Variants in NGDN observed in about 807,000 individuals in gnomAD.
NGDN encodes the protein EIF4E-binding protein.
NGDN carries 41 observed loss-of-function variants against 45.2 expected under a neutral mutation model. The ratio of observed to expected loss-of-function variants is 0.91; its 90% confidence interval spans 0.71 to 1.18. The LOEUF is 1.18. Among genes scored for constraint, NGDN ranks in the 50% most tolerant of loss-of-function variants. The pLI is 0.00. For synonymous variants in NGDN, 137 were observed against 130.9 expected (o/e 1.05, Z -0.32); for missense variants, 402 against 399.9 (o/e 1.01, Z -0.05).
chr14:23,472,146 T>C (rs1056462488), intron 3 of NGDN, among the ~76,000 whole-genome samples: 4 of 130,910 alleles, frequency 3.1e-5, no homozygotes, highest in Non-Finnish European at 6.1e-5. Context: ...GGTCGCACCA[T>C]CGCACTGCAG....
intron 3 of NGDN, chr14:23,471,545 ATGG>A: frequency 6.6e-6 from 1 of 152,474 alleles, no homozygotes; most frequent in East Asian, 1.9e-4. Context: ...CAGGCCGGGC[ATGG>A]TGGCTCATGC....
At chr14:23,476,776 A>T (rs1893914463) in intron 8 of NGDN, among the ~76,000 whole-genome samples, 1 of 152,230 alleles carries the variant, frequency 6.6e-6, no homozygotes, top group Non-Finnish European at 1.5e-5. Context: ...TTTTATAGTG[A>T]CATTGTGAGT....
Position 23,477,990 on chromosome 14 carries a change from G to C in NGDN, c.929-17G>C, listed in dbSNP as rs74039338. 2,943 of 1,613,948 alleles carry C rather than the reference G, an allele frequency of 1.8e-3. 52 individuals carry two copies. In the African/African-American group the frequency reaches 0.036, roughly 20 times the overall value. ...CCAACTGTCCTTTGCCTCATTCTTG[G>C]TTTCCCTTCCTTTCAGGTTTTCGGA... On this transcript the variant is annotated splice_polypyrimidine_tract_variant and intron_variant, in intron 10 of 10. Transcript: ENST00000408901.
In NGDN at chr14:23,476,332, A is replaced by G; in HGVS notation, c.638A>G (p.Tyr213Cys). ...SSVIRELKEQ[Y>C]SDAPEEIRDA... is the part of the protein sequence containing the mutation. ...GTCATTCGTGAACTTAAGGAGCAGT[A>G]CTCAGATGCTCCAGAGGAAATCCGT... is the stretch of plus-strand genomic sequence containing the variant. Residue 213 changes from tyrosine (Y) to cysteine (C), a missense_variant, in exon 8 of 11, where the codon TAC (tyrosine) becomes TGC (cysteine). Physicochemically the swap from Tyr to Cys is radical, Grantham distance 194 (BLOSUM62 -2). Transcript: ENST00000408901. 2 of 1,613,820 alleles carry G rather than the reference A, an allele frequency of 1.2e-6. No individual in the cohort carries two copies. Among genetic ancestry groups the G allele is most frequent in the East Asian group, 2.2e-5 (1 of 44,890 alleles).
At chr14:23,471,110 A>T (rs533383020) in intron 3 of NGDN, 133 bp downstream of exon 3, 1 of 547,738 alleles carries the variant, frequency 1.8e-6, no homozygotes, top group African/African-American at 2.0e-5. Context: ...TTCTGTGCTG[A>T]AGTCTAGAGG....
chr14:23,469,995 C>A lies in NGDN; in HGVS notation c.13-47C>A, dbSNP rs1377956398. ...CCTAGACGTTCCACTTTCCTATAAT[C>A]CTGAGGAAAGAATGACTTTTCTTTA... On this transcript the variant is annotated intron_variant, in intron 1 of 10. Transcript: ENST00000408901. 2.5e-6 allele frequency: 4 copies of A among 1,590,536 alleles called. No individual in the cohort carries two copies. In the Admixed American group the frequency reaches 6.7e-5, roughly 27 times the overall value.
rs776470805 is a variant in NGDN, at chr14:23,475,275, T to A, written c.249T>A (p.His83Gln). Residue 83 changes from histidine to glutamine, a missense_variant, in exon 4 of 11, where the codon CAT becomes CAA. By Grantham distance (24) the His-to-Gln change is conservative. Coordinates refer to ENST00000408901, the MANE Select transcript of NGDN (RefSeq NM_001042635.2). ...DKASGGSLQGHDAVLRLVEIR... is the reference protein window; with the variant it reads ...DKASGGSLQGQDAVLRLVEIR... ...CCTCAGGAGGATCTCTTCAGGGACA[T>A]GATGCAGTTTTGAGACTGGTGGAGA... is the stretch of plus-strand genomic sequence containing the variant. The A allele has an allele frequency of 5.0e-6, 8 of 1,613,768 alleles. No homozygotes were observed. The East Asian group carries it at 1.8e-4, about 36-fold the overall frequency.
chr14:23,471,023 A>G (rs890731517), intron 3 of NGDN, 46 bp downstream of exon 3: 1 of 1,277,082 alleles, frequency 7.8e-7, no homozygotes, highest in Non-Finnish European at 1.1e-6. Context: ...TAATGTTCTC[A>G]GTAGTTCTTT....
At position 23,475,761 on chromosome 14, in the gene NGDN, A is replaced by G; in HGVS notation, c.403A>G (p.Ser135Gly). The G allele has an allele frequency of 6.2e-7, 1 of 1,613,250 alleles. No individual in the cohort carries two copies. The highest frequency in any genetic ancestry group is 8.5e-7 in the Non-Finnish European group (1 of 1,180,004). ...CCCACTTCGTTTTAAGCCTCATCCC[A>G]GCAATATGATGAGCAAGGTAAGGGG... ...NDPLRFKPHPSNMMSKLSSED... is the reference protein window; with the variant it reads ...NDPLRFKPHPGNMMSKLSSED... Residue 135 changes from serine (S) to glycine (G), a missense_variant, in exon 6 of 11, where the codon AGC (serine) becomes GGC (glycine). Ser to Gly is a moderately conservative substitution (Grantham distance 56). Transcript: ENST00000408901.
At position 23,470,990 on chromosome 14, in the gene NGDN, C is replaced by G. The variant is rs998845212; in HGVS notation, c.144+13C>G. On this transcript the variant is annotated intron_variant, in intron 3 of 10. Coordinates refer to ENST00000408901, the MANE Select transcript of NGDN (RefSeq NM_001042635.2). ...TCCTACAGAAAAGGTAAGATGTACT[C>G]AAACAGTAAGCATCCCCTGACTTAA... is the stretch of plus-strand genomic sequence containing the variant. 2.0e-6 allele frequency: 3 copies of G among 1,502,908 alleles called. No homozygotes were observed. Among genetic ancestry groups the G allele is most frequent in the Non-Finnish European group, 1.8e-6 (2 of 1,124,426 alleles). 93.1% of individuals were successfully genotyped at this position (1,502,908 alleles called of 1,614,324 possible). A position where few individuals can be genotyped will look rare whatever the true frequency, so the allele number is the denominator to read the frequency against.
chr14:23,475,932 T>G, intron 6 of NGDN, 97 bp from the exon 7 acceptor site: 1 of 1,527,834 alleles, frequency 6.5e-7, no homozygotes, highest in South Asian at 1.2e-5. Context: ...TTTTCCCTTT[T>G]TATATTCCCA....
intron 9 of NGDN, 28 bp from the exon 10 acceptor site, chr14:23,477,475 A>G (rs1566552111): frequency 3.1e-6 from 5 of 1,613,998 alleles, no homozygotes; most frequent in Non-Finnish European, 3.4e-6. Context: ...CCACAGTGCC[A>G]TTCCATCACT....
At chr14:23,471,443 C>G (rs1893776198) in intron 3 of NGDN, 1 of 153,762 alleles carries the variant, frequency 6.5e-6, no homozygotes, top group South Asian at 2.1e-4. Flanking sequence ...TTACTGTAGG[C>G]CAACTGAGGA....
chr14:23,477,144 C>T (rs1699663478), intron 8 of NGDN, 56 bp from the exon 9 acceptor site: 1 of 1,570,402 alleles, frequency 6.4e-7, no homozygotes, highest in African/African-American at 1.3e-5. Flanking sequence ...AGGTTGTGGG[C>T]TGGAGCTTTC....
Position 23,478,158 on chromosome 14 carries a change from T to C in NGDN, c.*132T>C. The C allele has an allele frequency of 5.6e-6, 5 of 887,142 alleles. No individual in the cohort carries two copies. The highest frequency in any genetic ancestry group is 7.1e-6 in the Non-Finnish European group (4 of 566,316). 55.0% of individuals were successfully genotyped at this position (887,142 alleles called of 1,614,324 possible). A position where few individuals can be genotyped will look rare whatever the true frequency, so the allele number is the denominator to read the frequency against. On this transcript the variant is annotated 3_prime_UTR_variant, in exon 11 of 11. Coordinates refer to ENST00000408901, the MANE Select transcript of NGDN (RefSeq NM_001042635.2). ...GTGGAAAGAGCCTTACTAATAAAATTGATTTTGCTTATGAATTAAAGCCCC... is the reference window on the plus strand; with the variant it reads ...GTGGAAAGAGCCTTACTAATAAAATCGATTTTGCTTATGAATTAAAGCCCC...
At chr14:23,477,931 C>G in intron 10 of NGDN, 76 bp from the exon 11 acceptor site, 1 of 1,613,828 alleles carries the variant, frequency 6.2e-7, no homozygotes, top group Non-Finnish European at 8.5e-7. Context: ...GCCCTTCCCT[C>G]TAGATGTCCT....
chr14:23,478,762 T>G (rs1376216491), downstream of NGDN: 4 of 99,208 alleles, frequency 4.0e-5, no homozygotes, highest in African/African-American at 1.5e-4. Flanking sequence ...GAGGGTCATT[T>G]TACCAGAGTC....
intron 3 of NGDN, among the ~76,000 whole-genome samples, chr14:23,472,021 C>A (rs1893789250): frequency 6.7e-6 from 1 of 148,824 alleles, no homozygotes; most frequent in Non-Finnish European, 1.5e-5. Flanking sequence ...TGAGACCTAT[C>A]TCTATAAAAA....
chr14:23,476,842 G>A (rs1055242066), intron 8 of NGDN, among the ~76,000 whole-genome samples: 8 of 152,194 alleles, frequency 5.3e-5, no homozygotes, highest in African/African-American at 1.7e-4. Flanking sequence ...ATACAGACTC[G>A]TCAACTTTGC....
Sources: allele counts gnomAD v4.1 joint callset (sites outside exome capture counted in the v4.1 genomes callset), GRCh38; gene constraint gnomAD v4.1.1; transcripts MANE v1.5; gene names NCBI Gene and HGNC (gene_info 2026-07-23, HGNC 2026-07-21).